Variants in SYT10 observed in about 807,000 individuals in gnomAD.
The protein encoded by SYT10 is synaptotagmin-10.
Under a neutral mutation model 51.1 loss-of-function variants are expected in SYT10, and 31 were observed. That is an observed-to-expected ratio of 0.61 (90% CI 0.46 to 0.82). The LOEUF is 0.82. Ranked by LOEUF, SYT10 falls within the 40% of genes least tolerant of loss-of-function variation. SYT10 has a pLI of 0.00. For synonymous variants in SYT10, 233 were observed against 225.9 expected (o/e 1.03, Z -0.28); for missense variants, 603 against 634.0 (o/e 0.95, Z 0.53).
chr12:33,439,684 G>A lies in SYT10; in HGVS notation c.-162C>T, dbSNP rs1001291081. 3 of 844,878 alleles carry A rather than the reference G, an allele frequency of 3.6e-6. No homozygotes were observed. The highest frequency in any genetic ancestry group is 3.5e-6 in the Non-Finnish European group (2 of 565,482). 52.3% of individuals were successfully genotyped at this position (844,878 alleles called of 1,614,324 possible). ...CGGCAACTCTTAGGAGCCCCACGTTGGCCCCATGGCGGGAGCGGAGGGCGT... is the reference window on the plus strand; with the variant it reads ...CGGCAACTCTTAGGAGCCCCACGTTAGCCCCATGGCGGGAGCGGAGGGCGT... On this transcript the variant is annotated 5_prime_UTR_variant, in exon 1 of 7. Coordinates refer to ENST00000228567, the MANE Select transcript of SYT10 (RefSeq NM_198992.4).
At chr12:33,415,043 G>A (rs1452267604) in intron 2 of SYT10, among the ~76,000 whole-genome samples, 6 of 152,104 alleles carry the variant, frequency 3.9e-5, no homozygotes, top group Admixed American at 6.6e-5. Flanking sequence ...AATTCTTCCC[G>A]CCTATCAGAA....
chr12:33,390,899 A>G (rs1418628819), intron 3 of SYT10, among the ~76,000 whole-genome samples: 1 of 152,118 alleles, frequency 6.6e-6, no homozygotes, highest in African/African-American at 2.4e-5. Context: ...ACGATAACAC[A>G]GGTCTGCATA....
At chr12:33,383,638 C>T in intron 4 of SYT10, among the ~76,000 whole-genome samples, 1 of 152,002 alleles carries the variant, frequency 6.6e-6, no homozygotes, top group Non-Finnish European at 1.5e-5. Context: ...GTGTTTGAGC[C>T]CACAGGCCTA....
chr12:33,392,822 C>A (rs1238980281), intron 3 of SYT10, among the ~76,000 whole-genome samples: 1 of 151,266 alleles, frequency 6.6e-6, no homozygotes, highest in Non-Finnish European at 1.5e-5. Context: ...TACAAAACCC[C>A]TCTGGGCATT....
chr12:33,407,216 T>C lies in SYT10; in HGVS notation c.650A>G (p.Lys217Arg), dbSNP rs748758441. The C allele has an allele frequency of 6.2e-7, 1 of 1,614,216 alleles. No individual in the cohort carries two copies. Among genetic ancestry groups the C allele is most frequent in the East Asian group, 2.2e-5 (1 of 44,880 alleles). The change falls in exon 3 of 7, where the codon AAA (lysine) becomes AGA (arginine). Residue 217 changes from lysine to arginine, a missense_variant. By Grantham distance (26) the Lys-to-Arg change is conservative. Transcript: ENST00000228567. ...TTGGTTGCCCTCAGAGTCAACTGAT[T>C]TCTGTTTGTAGAGTTCTGGCTTTAT... The part of the protein sequence containing the change: ...GRIKPELYKQ[K>R]SVDSEGNQNE...
chr12:33,380,824 A>G (rs1223226060), intron 5 of SYT10, among the ~76,000 whole-genome samples: 1 of 152,230 alleles, frequency 6.6e-6, no homozygotes, highest in Non-Finnish European at 1.5e-5. Flanking sequence ...TTGCTTCTCA[A>G]GAATGGAATG....
chr12:33,388,979 C>A (rs1866180925), intron 3 of SYT10, among the ~76,000 whole-genome samples: 1 of 152,158 alleles, frequency 6.6e-6, no homozygotes, highest in Non-Finnish European at 1.5e-5. Context: ...TTAAAGCCTC[C>A]ATAACTAGAA....
intron 4 of SYT10, among the ~76,000 whole-genome samples, 170 bp downstream of exon 4, chr12:33,385,001 A>T (rs139563875): frequency 2.0e-4 from 30 of 152,362 alleles, no homozygotes; most frequent in African/African-American, 6.7e-4. Flanking sequence ...TTTCATAATG[A>T]TAACATATAT....
intron 2 of SYT10, among the ~76,000 whole-genome samples, chr12:33,412,149 A>C (rs1399715983): frequency 6.6e-6 from 1 of 152,088 alleles, no homozygotes; most frequent in Non-Finnish European, 1.5e-5. Context: ...TTTCAATATT[A>C]TAAAACTTCA....
chr12:33,386,092 C>T (rs745520097), intron 3 of SYT10, among the ~76,000 whole-genome samples: 9 of 152,034 alleles, frequency 5.9e-5, no homozygotes, highest in South Asian at 2.1e-4. Context: ...GGTATGACCT[C>T]GGCTCACTGC....
rs1386693501 is a variant in SYT10, at chr12:33,396,687, CT to C, written c.1077+10101del. Among the ~76,000 whole-genome samples, 621 of 142,586 alleles carry C rather than the reference CT, an allele frequency of 4.4e-3. 1 individual carries two copies. The highest frequency in any genetic ancestry group is 7.1e-3 in the Middle Eastern group (2 of 280). The allele number at this position is 142,586 out of a possible 152,430, so 93.5% of individuals were successfully genotyped here. A position where few individuals can be genotyped will look rare whatever the true frequency, so the allele number is the denominator to read the frequency against. On this transcript the variant is annotated intron_variant, in intron 3 of 6. Transcript: ENST00000228567. ...AATTGCAATGAAATGTGGAATTCCA[CT>C]TTTTTTTTTTTTTTGAGATGGAGTC...
chr12:33,406,942 T>A lies in SYT10; in HGVS notation c.924A>T (p.Gln308His). ...TGAAATGTAGTTTTCGGTTGCTTAG[T>A]TGATCATATGCTACAGGAAATTGAA... ...ETFQFPVAYDQLSNRKLHFSV... is the reference protein window; with the variant it reads ...ETFQFPVAYDHLSNRKLHFSV... The change falls in exon 3 of 7, where the codon CAA becomes CAT. Residue 308 changes from glutamine (Q) to histidine (H), a missense_variant. Gln to His is a conservative substitution (Grantham distance 24). Coordinates refer to ENST00000228567, the MANE Select transcript of SYT10 (RefSeq NM_198992.4). 1 of 1,614,144 alleles carries A rather than the reference T, an allele frequency of 6.2e-7. No individual in the cohort carries two copies. Among genetic ancestry groups the A allele is most frequent in the South Asian group, 1.1e-5 (1 of 91,076 alleles).
chr12:33,380,048 G>A, intron 5 of SYT10, 87 bp from the exon 6 acceptor site: 1 of 1,409,118 alleles, frequency 7.1e-7, no homozygotes, highest in Admixed American at 2.2e-5. Context: ...TTAAAAATAT[G>A]ATTAAAACAT....
chr12:33,390,108 G>A (rs1866190622), intron 3 of SYT10, among the ~76,000 whole-genome samples: 1 of 152,206 alleles, frequency 6.6e-6, no homozygotes, highest in Non-Finnish European at 1.5e-5. Context: ...TAGGCATGTT[G>A]GAGAATGTCT....
chr12:33,423,075 T>G (rs1866519763), intron 2 of SYT10, among the ~76,000 whole-genome samples: 1 of 152,150 alleles, frequency 6.6e-6, no homozygotes, highest in Non-Finnish European at 1.5e-5. Flanking sequence ...CCTGGCAGGC[T>G]GATAGGGCAA....
At chr12:33,399,817 A>G (rs1270560339) in intron 3 of SYT10, among the ~76,000 whole-genome samples, 1 of 152,320 alleles carries the variant, frequency 6.6e-6, no homozygotes, top group East Asian at 1.9e-4. Context: ...GCAAAGTAAA[A>G]GACCTTACAT....
At chr12:33,394,309 A>G (rs1256880850) in intron 3 of SYT10, among the ~76,000 whole-genome samples, 2 of 152,238 alleles carry the variant, frequency 1.3e-5, no homozygotes, top group Admixed American at 6.5e-5. Context: ...AATATGTATC[A>G]TGGCATAGTC....
chr12:33,422,642 A>G (rs567114010), intron 2 of SYT10, among the ~76,000 whole-genome samples: 36 of 152,044 alleles, frequency 2.4e-4, no homozygotes, highest in Non-Finnish European at 5.0e-4. Context: ...TTTTCTTAGC[A>G]AAATTTCCTA....
intron 2 of SYT10, among the ~76,000 whole-genome samples, chr12:33,424,745 T>C (rs982774815): frequency 1.4e-5 from 2 of 147,950 alleles, no homozygotes; most frequent in African/African-American, 5.0e-5. Context: ...TATAATTCAA[T>C]AAATATATAG....
Sources: allele counts gnomAD v4.1 joint callset (sites outside exome capture counted in the v4.1 genomes callset), GRCh38; gene constraint gnomAD v4.1.1; transcripts MANE v1.5; gene names NCBI Gene and HGNC (gene_info 2026-07-23, HGNC 2026-07-21).